CYP7B1: variants seen among roughly 807,000 people sequenced by gnomAD.
CYP7B1 encodes the protein cytochrome P450 7B1.
A neutral mutation model predicts 42.7 loss-of-function variants in CYP7B1; 29 were observed. The ratio of observed to expected loss-of-function variants is 0.68; its 90% CI spans 0.51 to 0.93. The LOEUF is 0.93. Ranked by LOEUF, CYP7B1 falls within the 40% of genes least tolerant of loss-of-function variation. The pLI, the probability that CYP7B1 is intolerant of heterozygous loss-of-function variation, is 0.00. For missense variants in CYP7B1, 655 were observed against 600.5 expected, an observed-to-expected ratio of 1.09 and a Z score of -0.95; for synonymous variants, 235 against 218.2, an observed-to-expected ratio of 1.08 and a Z score of -0.68.
chr8:64,637,500 T>C (rs1181009746), intron 1 of CYP7B1, among the ~76,000 whole-genome samples: 1 of 152,188 alleles, frequency 6.6e-6, no homozygotes, highest in Non-Finnish European at 1.5e-5. Flanking sequence ...ACTTTGGTGA[T>C]TTTAAGTCAC....
At chr8:64,760,880 T>G (rs1342273505) in intron 1 of CYP7B1, among the ~76,000 whole-genome samples, 4 of 152,154 alleles carry the variant, frequency 2.6e-5, no homozygotes, top group Non-Finnish European at 5.9e-5. Context: ...TATTAGTATC[T>G]TCAAAAGATA....
chr8:64,640,917 T>A (rs1805843350), intron 1 of CYP7B1, among the ~76,000 whole-genome samples: 1 of 152,186 alleles, frequency 6.6e-6, no homozygotes, highest in African/African-American at 2.4e-5. Context: ...GCATAAGATG[T>A]TATCTCCCAT....
intron 1 of CYP7B1, among the ~76,000 whole-genome samples, chr8:64,658,292 T>C (rs543373751): frequency 1.3e-5 from 2 of 152,320 alleles, no homozygotes; most frequent in East Asian, 3.9e-4. Flanking sequence ...TTGAAATCTC[T>C]GTTACTGTTG....
At chr8:64,684,083 C>A (rs977337839) in intron 1 of CYP7B1, among the ~76,000 whole-genome samples, 1 of 152,208 alleles carries the variant, frequency 6.6e-6, no homozygotes. Flanking sequence ...TATGATCTGT[C>A]TCGTCCATTA....
chr8:64,607,197 GA>G (rs1406585696), intron 4 of CYP7B1, among the ~76,000 whole-genome samples: 4 of 152,190 alleles, frequency 2.6e-5, no homozygotes, highest in Admixed American at 2.6e-4. Context: ...TCTCACACAT[GA>G]GGTGCTAAAC....
At chr8:64,631,606 G>T (rs1372857880) in intron 1 of CYP7B1, among the ~76,000 whole-genome samples, 1 of 152,012 alleles carries the variant, frequency 6.6e-6, no homozygotes, top group Non-Finnish European at 1.5e-5. Context: ...CATAGCAAAA[G>T]AAACAACTGA....
chr8:64,716,830 T>A (rs1807162411), intron 1 of CYP7B1, among the ~76,000 whole-genome samples: 1 of 152,252 alleles, frequency 6.6e-6, no homozygotes, highest in Non-Finnish European at 1.5e-5. Context: ...TCAGTTAGAC[T>A]AAGGTGGTTG....
chr8:64,717,185 C>A (rs1807168237), intron 1 of CYP7B1, among the ~76,000 whole-genome samples: 2 of 151,680 alleles, frequency 1.3e-5, no homozygotes, highest in African/African-American at 2.4e-5. Flanking sequence ...TTTTTCCATT[C>A]TTTTACTCTT....
Position 64,594,346 on chromosome 8 carries a change from TA to T in CYP7B1, c.*2295del, listed in dbSNP as rs1185507949. Reference sequence around the variant, plus strand: ...GTTAGAAGCAATAGATTAAATATAGTAGTATACTATGTATATACTACAGAAA... The same window carrying T: ...GTTAGAAGCAATAGATTAAATATAGTGTATACTATGTATATACTACAGAAA... On this transcript the variant is annotated 3_prime_UTR_variant, in exon 6 of 6. Transcript: ENST00000310193. Among the ~76,000 whole-genome samples, 1 of 152,174 alleles carries T rather than the reference TA, an allele frequency of 6.6e-6. No homozygotes were observed. The highest frequency in any genetic ancestry group is 1.5e-5 in the Non-Finnish European group (1 of 68,032).
chr8:64,710,020 A>G (rs963914197), intron 1 of CYP7B1, among the ~76,000 whole-genome samples: 18 of 152,148 alleles, frequency 1.2e-4, no homozygotes, highest in Admixed American at 3.3e-4. Context: ...TCTATCAGAT[A>G]AAAACAATGG....
intron 1 of CYP7B1, among the ~76,000 whole-genome samples, chr8:64,713,229 T>C (rs577118691): frequency 1.8e-4 from 27 of 152,214 alleles, no homozygotes; most frequent in African/African-American, 6.5e-4. Context: ...ATCAACCTGA[T>C]ATCAAAAAGC....
At chr8:64,693,857 T>C (rs1173480695) in intron 1 of CYP7B1, among the ~76,000 whole-genome samples, 2 of 152,196 alleles carry the variant, frequency 1.3e-5, no homozygotes, top group Non-Finnish European at 2.9e-5. Flanking sequence ...GTGAGGGAAT[T>C]AGAGAGGTAA....
At chr8:64,668,154 G>A (rs988448809) in intron 1 of CYP7B1, among the ~76,000 whole-genome samples, 4 of 152,148 alleles carry the variant, frequency 2.6e-5, no homozygotes, top group African/African-American at 4.8e-5. Context: ...GACATGCCAC[G>A]TTCTATGGGT....
intron 5 of CYP7B1, among the ~76,000 whole-genome samples, chr8:64,598,436 A>G (rs190874484): frequency 3.3e-5 from 5 of 152,258 alleles, no homozygotes; most frequent in East Asian, 1.9e-4. Flanking sequence ...ACGCTGACCA[A>G]TCTGAGGAGA....
At chr8:64,622,542 T>C (rs765626794) in intron 2 of CYP7B1, among the ~76,000 whole-genome samples, 5 of 152,164 alleles carry the variant, frequency 3.3e-5, no homozygotes, top group Non-Finnish European at 7.4e-5. Flanking sequence ...AGTCTGGTTA[T>C]AGTTAGGAGG....
chr8:64,631,425 G>GA (rs1295999511), intron 1 of CYP7B1, among the ~76,000 whole-genome samples: 2 of 151,850 alleles, frequency 1.3e-5, no homozygotes, highest in African/African-American at 4.8e-5. Context: ...ACTCAAAATG[G>GA]AAAAAAGACT....
At chr8:64,632,935 G>T (rs533422909) in intron 1 of CYP7B1, among the ~76,000 whole-genome samples, 1 of 152,140 alleles carries the variant, frequency 6.6e-6, no homozygotes, top group South Asian at 2.1e-4. Context: ...CAGAAAGGAA[G>T]GGGGGCGGGG....
At chr8:64,633,240 T>C (rs1332248016) in intron 1 of CYP7B1, among the ~76,000 whole-genome samples, 1 of 152,200 alleles carries the variant, frequency 6.6e-6, no homozygotes, top group Non-Finnish European at 1.5e-5. Context: ...GATAAGAGTA[T>C]TTGAAAGTAG....
chr8:64,778,014 C>A (rs924863841), intron 1 of CYP7B1, among the ~76,000 whole-genome samples: 117 of 151,674 alleles, frequency 7.7e-4, no homozygotes, highest in African/African-American at 2.7e-3. Flanking sequence ...CTATTGCCTG[C>A]AAGTACATCA....
Sources: gnomAD v4.1 joint callset for allele counts (sites outside exome capture counted in the v4.1 genomes callset) on GRCh38, gnomAD v4.1.1 for gene constraint, MANE v1.5 for transcripts, NCBI Gene and HGNC (gene_info 2026-07-23, HGNC 2026-07-21) for gene names.